SYT16: variants seen among roughly 807,000 people sequenced by gnomAD.
SYT16 encodes the protein synaptotagmin 16.
In SYT16, 42 loss-of-function variants were observed where a neutral mutation model predicts 61.4. The ratio of observed to expected loss-of-function variants is 0.68; its 90% CI spans 0.53 to 0.89. SYT16 has a LOEUF of 0.89. Among genes scored for constraint, SYT16 ranks in the 40% least tolerant of loss-of-function variants. The probability of loss-of-function intolerance (pLI) is 0.00; values close to 1 mark genes in which losing one functional copy is unlikely to be tolerated. For missense variants in SYT16, 804 were observed against 807.3 expected (o/e 1.00, Z 0.05); for synonymous variants, 314 against 302.3 (o/e 1.04, Z -0.40).
intron 3 of SYT16, among the ~76,000 whole-genome samples, chr14:62,030,084 G>A (rs560286008): frequency 6.6e-6 from 1 of 152,254 alleles, no homozygotes; most frequent in Non-Finnish European, 1.5e-5. Flanking sequence ...TCCATGAAGA[G>A]GCATCAGGAG....
In SYT16 at chr14:62,026,720, G is replaced by T. The variant is rs373253001; in HGVS notation, c.523+30178G>T. Reference sequence around the variant, plus strand: ...GGTTACTACTGTAACATCAGAGCCAGTATACCGCATAGCATGTAGAAGGTA... The same window carrying T: ...GGTTACTACTGTAACATCAGAGCCATTATACCGCATAGCATGTAGAAGGTA... On this transcript the variant is annotated intron_variant, in intron 3 of 7. Coordinates refer to ENST00000683842, the MANE Select transcript of SYT16 (RefSeq NM_001367656.1). 2.6e-5 allele frequency among the ~76,000 whole-genome samples: 4 copies of T among 152,300 alleles called. No homozygotes were observed. The South Asian group carries it at 6.2e-4, about 24-fold the overall frequency.
intron 3 of SYT16, among the ~76,000 whole-genome samples, chr14:61,997,893 C>T (rs1199703068): frequency 6.6e-6 from 1 of 151,918 alleles, no homozygotes; most frequent in Admixed American, 6.6e-5. Flanking sequence ...CTGGCCTTTC[C>T]AGAGATGCTT....
intron 1 of SYT16, among the ~76,000 whole-genome samples, chr14:61,931,325 G>A (rs560718713): frequency 6.6e-6 from 1 of 152,068 alleles, no homozygotes; most frequent in South Asian, 2.1e-4. Flanking sequence ...ACTTTTCTAG[G>A]GACAGGATGG....
chr14:62,046,776 T>A lies in SYT16; in HGVS notation c.524-22827T>A, dbSNP rs1027217287. Among the ~76,000 whole-genome samples the A allele has an allele frequency of 4.6e-5, 7 of 152,320 alleles. No homozygotes were observed. The South Asian group carries it at 6.2e-4, about 14-fold the overall frequency. On this transcript the variant is annotated intron_variant, in intron 3 of 7. Transcript: ENST00000683842. ...ATCAGATAGTTGTAGATATGTGGCA[T>A]TATGTCTGAGGGCTCTGTTCTGTTC...
Position 61,890,462 on chromosome 14 carries a change from T to G in SYT16, c.-325+77652T>G, listed in dbSNP as rs189047510. Among the ~76,000 whole-genome samples, 152 of 149,178 alleles carry G rather than the reference T, an allele frequency of 1.0e-3. 2 individuals carry two copies. The highest frequency in any genetic ancestry group is 3.5e-3 in the African/African-American group (140 of 40,398). On this transcript the variant is annotated intron_variant, in intron 1 of 7. Transcript: ENST00000683842. ...TGAGTTCCAGATACAGGTAGTTGGG[T>G]GGTCTTAAATATAGTCAAGAATGTT...
intron 1 of SYT16, among the ~76,000 whole-genome samples, chr14:61,923,643 A>G (rs1346158005): frequency 6.6e-6 from 1 of 152,190 alleles, no homozygotes; most frequent in African/African-American, 2.4e-5. Context: ...AACTTTATTT[A>G]TAGCCTCTAA....
intron 1 of SYT16, chr14:61,832,490 G>A (rs952856382): frequency 3.1e-5 from 11 of 357,934 alleles, no homozygotes; most frequent in Non-Finnish European, 5.0e-5. Flanking sequence ...AGGCTGTGGC[G>A]CAGAGGCGTG....
At chr14:61,924,035 C>A (rs991710622) in intron 1 of SYT16, among the ~76,000 whole-genome samples, 5 of 152,076 alleles carry the variant, frequency 3.3e-5, no homozygotes, top group African/African-American at 9.7e-5. Flanking sequence ...ACTATCTATG[C>A]TGAATCAGGA....
chr14:61,961,791 A>G (rs1316428905), intron 1 of SYT16, among the ~76,000 whole-genome samples: 1 of 152,230 alleles, frequency 6.6e-6, no homozygotes, highest in Admixed American at 6.5e-5. Context: ...AATATAAATT[A>G]TTCTACCATA....
intron 1 of SYT16, among the ~76,000 whole-genome samples, chr14:61,882,993 G>A (rs1254409341): frequency 6.6e-6 from 1 of 152,224 alleles, no homozygotes; most frequent in African/African-American, 2.4e-5. Flanking sequence ...GGTCTGAGCT[G>A]TACCTTTGTC....
At chr14:62,033,238 C>T (rs1162252081) in intron 3 of SYT16, among the ~76,000 whole-genome samples, 5 of 148,846 alleles carry the variant, frequency 3.4e-5, no homozygotes, top group African/African-American at 5.0e-5. Context: ...ATGTGTACTT[C>T]GGATTGTGTT....
intron 1 of SYT16, among the ~76,000 whole-genome samples, chr14:61,872,684 G>T (rs1224231489): frequency 6.6e-6 from 1 of 152,170 alleles, no homozygotes; most frequent in Non-Finnish European, 1.5e-5. Flanking sequence ...GTGTTGGGCT[G>T]CTAAGACCCA....
chr14:62,054,369 T>G (rs1413498685), intron 3 of SYT16, among the ~76,000 whole-genome samples: 1 of 150,400 alleles, frequency 6.6e-6, no homozygotes, highest in African/African-American at 2.4e-5. Flanking sequence ...AGTTTTTTTT[T>G]TTTTTTTTGG....
chr14:61,904,030 C>T (rs74057564), intron 1 of SYT16, among the ~76,000 whole-genome samples: 12,006 of 152,210 alleles, frequency 0.079, 519 homozygotes, highest in African/African-American at 0.12. Context: ...TTCCTACAAA[C>T]GCCCAATCAC....
intron 1 of SYT16, among the ~76,000 whole-genome samples, chr14:61,919,753 A>C (rs1302725748): frequency 0.01 from 9 of 892 alleles, no homozygotes; most frequent in African/African-American, 0.028. Context: ...TTGCCATGTA[A>C]CCTCTCATAT....
intron 7 of SYT16, among the ~76,000 whole-genome samples, chr14:62,096,548 T>C (rs1378020263): frequency 1.3e-5 from 2 of 152,050 alleles, no homozygotes; most frequent in Non-Finnish European, 2.9e-5. Context: ...CATGTATACA[T>C]AGAGATAATA....
chr14:61,829,741 G>A lies in SYT16; in HGVS notation c.-325+16931G>A, dbSNP rs933504315. Among the ~76,000 whole-genome samples the A allele has an allele frequency of 7.3e-5, 11 of 151,492 alleles. 1 individual carries two copies. The highest frequency in any genetic ancestry group is 2.4e-4 in the African/African-American group (10 of 41,190). ...GTGATCTTGGCTCATTGCAAGCTCC[G>A]CCTCCCGGGTTCATGCCATTCTCCT... is the stretch of plus-strand genomic sequence containing the variant. On this transcript the variant is annotated intron_variant, in intron 1 of 7. Transcript: ENST00000683842.
chr14:62,046,691 C>T (rs1398498445), intron 3 of SYT16, among the ~76,000 whole-genome samples: 1 of 152,192 alleles, frequency 6.6e-6, no homozygotes, highest in Non-Finnish European at 1.5e-5. Context: ...GTTTTCCCAG[C>T]ACCATTTATT....
intron 1 of SYT16, among the ~76,000 whole-genome samples, chr14:61,929,240 C>G (rs1315595398): frequency 6.6e-6 from 1 of 152,212 alleles, no homozygotes; most frequent in African/African-American, 2.4e-5. Flanking sequence ...AGGCTGCTCA[C>G]TAACCCCTCA....
Sources: gnomAD v4.1 joint callset for allele counts (sites outside exome capture counted in the v4.1 genomes callset) on GRCh38, gnomAD v4.1.1 for gene constraint, MANE v1.5 for transcripts, NCBI Gene and HGNC (gene_info 2026-07-23, HGNC 2026-07-21) for gene names.